PROM2: variants seen among roughly 807,000 people sequenced by gnomAD.
PROM2 encodes the protein prominin-2.
A neutral mutation model predicts 110.2 loss-of-function variants in PROM2; 90 were observed. The observed-to-expected ratio is 0.82, with a 90% CI of 0.69 to 0.97. The LOEUF (loss-of-function observed/expected upper bound fraction) is 0.97. Among genes scored for constraint, PROM2 ranks in the 50% least tolerant of loss-of-function variants. The probability of loss-of-function intolerance (pLI) is 0.00; values close to 1 mark genes in which losing one functional copy is unlikely to be tolerated. For missense variants in PROM2, 1,009 were observed against 1,074.8 expected (o/e 0.94, Z 0.86); for synonymous variants, 470 against 467.8 (o/e 1.00, Z -0.06).
At chr2:95,281,824 G>A in intron 12 of PROM2, 101 bp from the exon 13 acceptor site, 1 of 821,380 alleles carries the variant, frequency 1.2e-6, no homozygotes. Flanking sequence ...CCTACCCCTG[G>A]TCTGTGCTGT....
intron 16 of PROM2, 24 bp downstream of exon 16, chr2:95,285,734 C>T (rs755213133): frequency 6.3e-7 from 1 of 1,576,554 alleles, no homozygotes. Flanking sequence ...AGGGCCCCGA[C>T]TGGGCAGCAG....
intron 14 of PROM2, among the ~76,000 whole-genome samples, chr2:95,283,678 T>C (rs1677174804): frequency 6.6e-6 from 1 of 152,246 alleles, no homozygotes; most frequent in Admixed American, 6.5e-5. Context: ...GACCTCAGTT[T>C]CTTATCTGTT....
Position 95,275,962 on chromosome 2 carries a change from C to T in PROM2, c.327C>T (p.Cys109=), listed in dbSNP as rs1466234625. The T allele has an allele frequency of 7.4e-6, 12 of 1,611,882 alleles. No homozygotes were observed. In the Middle Eastern group the frequency reaches 6.6e-4, roughly 88 times the overall value. ...VVRYEAGYVV[C]AVIAGLYLLL... Reference sequence around the variant, plus strand: ...GGTACGAGGCGGGCTACGTGGTATGCGCTGTGATCGCGGGCCTCTACCTGC... The same window carrying T: ...GGTACGAGGCGGGCTACGTGGTATGTGCTGTGATCGCGGGCCTCTACCTGC... Residue 109 remains cysteine (C), a synonymous_variant, in exon 3 of 24, where the codon TGC becomes TGT. Coordinates refer to ENST00000317620, the MANE Select transcript of PROM2 (RefSeq NM_001165978.3). This position sits in a 1 kb window ranked among gnomAD's most constrained non-coding sequence, Gnocchi z 4.4.
intron 7 of PROM2, 24 bp downstream of exon 7, chr2:95,277,590 C>T: frequency 1.3e-6 from 2 of 1,517,540 alleles, no homozygotes; most frequent in Non-Finnish European, 1.8e-6. Flanking sequence ...ACAGAGTCCT[C>T]TTAAAGCCAC....
rs1038431494 is a variant in PROM2, at chr2:95,276,778, G to A, written c.682+121G>A. 11 of 1,240,344 alleles carry A rather than the reference G, an allele frequency of 8.9e-6. No homozygotes were observed. The highest frequency in any genetic ancestry group is 1.3e-5 in the Non-Finnish European group (11 of 865,994). The allele number at this position is 1,240,344 out of a possible 1,614,324, so 76.8% of individuals were successfully genotyped here. A position where few individuals can be genotyped will look rare whatever the true frequency, so the allele number is the denominator to read the frequency against. ...CCCCGGGAACAGGCTGGTAGAGGTG[G>A]GGATCAGGCCGGCTGGAGAGCAAGA... On this transcript the variant is annotated intron_variant, in intron 5 of 23. Coordinates refer to ENST00000317620, the MANE Select transcript of PROM2 (RefSeq NM_001165978.3). This position sits in a 1 kb window ranked among gnomAD's most constrained non-coding sequence, Gnocchi z 4.6.
Position 95,276,043 on chromosome 2 carries a change from C to T in PROM2, c.408C>T (p.Cys136=), listed in dbSNP as rs758378417. ...GCTGCTGCCGCTGCCACCGGCGCTGCGGGGGACGAGTGAAGACAGAGCACA... is the reference window on the plus strand; with the variant it reads ...GCTGCTGCCGCTGCCACCGGCGCTGTGGGGGACGAGTGAAGACAGAGCACA... ...CFCCCRCHRR[C]GGRVKTEHKA... Residue 136 remains cysteine (C), a synonymous_variant, in exon 3 of 24, where the codon TGC becomes TGT. Coordinates refer to ENST00000317620, the MANE Select transcript of PROM2 (RefSeq NM_001165978.3). The surrounding 1 kb of genome is among the most constrained non-coding windows in gnomAD (Gnocchi z 4.6). The T allele has an allele frequency of 2.3e-5, 37 of 1,611,176 alleles. No individual in the cohort carries two copies. Among genetic ancestry groups the T allele is most frequent in the South Asian group, 1.8e-4 (16 of 91,076 alleles).
rs777962866 is a variant in PROM2 at position 95,278,987 on chromosome 2, C to A, written c.1117C>A (p.Leu373Met). 1 of 1,602,686 alleles carries A rather than the reference C, an allele frequency of 6.2e-7. No individual in the cohort carries two copies. Among genetic ancestry groups the A allele is most frequent in the Non-Finnish European group, 8.5e-7 (1 of 1,173,778 alleles). ...CAAGTCCCTGTTACTTTGGGCAGAG[C>A]TGAAGAAGGCAGTGGCCCAGCAGCC... ...AMQTSSVVQE[L>M]KKAVAQQPEG... Residue 373 changes from leucine (L) to methionine (M), a missense_variant and splice_region_variant, in exon 10 of 24, where the codon CTG (leucine) becomes ATG (methionine). Transcript: ENST00000317620.
chr2:95,288,008 G>A (rs1558750115), intron 20 of PROM2, among the ~76,000 whole-genome samples: 1 of 152,230 alleles, frequency 6.6e-6, no homozygotes, highest in Admixed American at 6.5e-5. Context: ...ATGGAAAGGG[G>A]AGGGGCCCAG....
In PROM2 at chr2:95,274,703, A is replaced by C; in HGVS notation, c.118A>C (p.Thr40Pro). Residue 40 changes from threonine to proline, a missense_variant, in exon 1 of 24, where the codon ACA becomes CCA. Coordinates refer to ENST00000317620, the MANE Select transcript of PROM2 (RefSeq NM_001165978.3). ...CKFLGPAEHL[T>P]FTPAARARWL... Reference sequence around the variant, plus strand: ...GTTCCTTGGCCCGGCAGAGCACCTGACATTCACCCCAGCAGCCAGGGCCCG... The same window carrying C: ...GTTCCTTGGCCCGGCAGAGCACCTGCCATTCACCCCAGCAGCCAGGGCCCG... 6.2e-7 allele frequency: 1 copy of C among 1,612,518 alleles called. No individual in the cohort carries two copies. The highest frequency in any genetic ancestry group is 8.5e-7 in the Non-Finnish European group (1 of 1,179,892).
chr2:95,278,893 T>C, intron 9 of PROM2, 92 bp from the exon 10 acceptor site: 1 of 1,604,054 alleles, frequency 6.2e-7, no homozygotes, highest in Non-Finnish European at 8.5e-7. Context: ...GTCTTCCCTC[T>C]GTGGTTCCCA....
Position 95,276,822 on chromosome 2 carries a change from C to T in PROM2, c.683-150C>T, listed in dbSNP as rs144514607. ...AGCAAGAGTGGCCGCCACTCAGCTG[C>T]TGGAGGAAGAAGCCGTGTCCCCGCT... is the stretch of plus-strand genomic sequence containing the variant. On this transcript the variant is annotated intron_variant, in intron 5 of 23. Coordinates refer to ENST00000317620, the MANE Select transcript of PROM2 (RefSeq NM_001165978.3). This position sits in a 1 kb window ranked among gnomAD's most constrained non-coding sequence, Gnocchi z 4.6. 6.4e-5 allele frequency: 68 copies of T among 1,065,524 alleles called. 1 individual carries two copies. The African/African-American group carries it at 7.6e-4, about 12-fold the overall frequency. 66.0% of individuals were successfully genotyped at this position (1,065,524 alleles called of 1,614,324 possible). A position where few individuals can be genotyped will look rare whatever the true frequency, so the allele number is the denominator to read the frequency against.
chr2:95,275,794 T>G lies in PROM2; in HGVS notation c.295-136T>G. On this transcript the variant is annotated intron_variant, in intron 2 of 23. Coordinates refer to ENST00000317620, the MANE Select transcript of PROM2 (RefSeq NM_001165978.3). This position sits in a 1 kb window ranked among gnomAD's most constrained non-coding sequence, Gnocchi z 4.4. ...TGAGCAGTAAGAATGCGGTCACCTC[T>G]GGGACGGGTTCCATGAGATGCAGGC... 28 of 1,496,154 alleles carry G rather than the reference T, an allele frequency of 1.9e-5. No individual in the cohort carries two copies. Among genetic ancestry groups the G allele is most frequent in the Non-Finnish European group, 2.5e-5 (28 of 1,125,992 alleles). 92.7% of individuals were successfully genotyped at this position (1,496,154 alleles called of 1,614,324 possible).
chr2:95,282,310 C>CCTAGG, intron 14 of PROM2, 84 bp downstream of exon 14: 1 of 1,144,094 alleles, frequency 8.7e-7, no homozygotes, highest in Non-Finnish European at 1.3e-6. Context: ...GGCACCGTCT[C>CCTAGG]TTTGAACCTA....
Position 95,277,419 on chromosome 2 carries a change from G to T in PROM2, c.828G>T (p.Leu276=), listed in dbSNP as rs1217830603. 2 of 1,613,352 alleles carry T rather than the reference G, an allele frequency of 1.2e-6. No homozygotes were observed. Among genetic ancestry groups the T allele is most frequent in the African/African-American group, 1.3e-5 (1 of 75,034 alleles). ...CCTTGAATGCTACAGTGGTAGAGCT[G>T]CAGGCCGGGCAGCAGGACCTGGAGC... The part of the protein sequence containing the change: ...LQTLNATVVE[L]QAGQQDLEPA... Residue 276 remains leucine, a synonymous_variant, in exon 7 of 24, where the codon CTG becomes CTT. Coordinates refer to ENST00000317620, the MANE Select transcript of PROM2 (RefSeq NM_001165978.3).
At position 95,291,139 on chromosome 2, in the gene PROM2, T is replaced by C. The variant is rs1573468808; in HGVS notation, c.*1926T>C. 6.6e-6 allele frequency: 1 copy of C among 152,174 alleles called. No individual in the cohort carries two copies. The highest frequency in any genetic ancestry group is 1.5e-5 in the Non-Finnish European group (1 of 68,032). 9.4% of individuals were successfully genotyped at this position (152,174 alleles called of 1,614,324 possible). A position where few individuals can be genotyped will look rare whatever the true frequency, so the allele number is the denominator to read the frequency against. On this transcript the variant is annotated 3_prime_UTR_variant, in exon 24 of 24. Transcript: ENST00000317620. ...GGGAATTAGAATGGTGCATACACAA[T>C]GTATTATTATCACTGTCAGATGAGC...
intron 10 of PROM2, among the ~76,000 whole-genome samples, chr2:95,279,426 A>T (rs1676903865): frequency 6.6e-6 from 1 of 151,388 alleles, no homozygotes; most frequent in Non-Finnish European, 1.5e-5. Flanking sequence ...CCTCCCAAGT[A>T]GCTGGGACTA....
rs1159341055 is a variant in PROM2, at chr2:95,279,165, G to A, written c.1274+21G>A. 7 of 1,144,704 alleles carry A rather than the reference G, an allele frequency of 6.1e-6. No homozygotes were observed. In the African/African-American group the frequency reaches 1.1e-4, roughly 18 times the overall value. 70.9% of individuals were successfully genotyped at this position (1,144,704 alleles called of 1,614,324 possible). ...TACAGGTGCTGGGCACCGCAGGGTGGGATGGGGTGGGGTGGGGTGGGCAGC... is the reference window on the plus strand; with the variant it reads ...TACAGGTGCTGGGCACCGCAGGGTGAGATGGGGTGGGGTGGGGTGGGCAGC... On this transcript the variant is annotated intron_variant, in intron 10 of 23. Transcript: ENST00000317620.
In PROM2 at chr2:95,276,139, C is replaced by G. The variant is rs891464709; in HGVS notation, c.497+7C>G. On this transcript the variant is annotated splice_region_variant and intron_variant, in intron 3 of 23. Transcript: ENST00000317620. This position sits in a 1 kb window ranked among gnomAD's most constrained non-coding sequence, Gnocchi z 4.6. ...TGACCACCCTCTTGCTGCTGTAAGG[C>G]GCTGCCCAGGGCCCGGGTAGGGCGG... 6.2e-7 allele frequency: 1 copy of G among 1,612,038 alleles called. No individual in the cohort carries two copies. The highest frequency in any genetic ancestry group is 1.1e-5 in the South Asian group (1 of 91,022).
rs1676602306 is a variant in PROM2, at chr2:95,275,651, G to T, written c.294+141G>T. 7.3e-6 allele frequency: 10 copies of T among 1,360,738 alleles called. No individual in the cohort carries two copies. Among genetic ancestry groups the T allele is most frequent in the South Asian group, 4.3e-5 (3 of 69,928 alleles). The allele number at this position is 1,360,738 out of a possible 1,614,324, so 84.3% of individuals were successfully genotyped here. ...GCTCAGGCATCCTCTCCCCTCCTCT[G>T]TGGGCGCTGCAGTCCGTAGACCTGG... On this transcript the variant is annotated intron_variant, in intron 2 of 23. Transcript: ENST00000317620. This position sits in a 1 kb window ranked among gnomAD's most constrained non-coding sequence, Gnocchi z 4.4.
Sources: gnomAD v4.1 joint callset for allele counts (sites outside exome capture counted in the v4.1 genomes callset) on GRCh38, gnomAD v4.1.1 for gene constraint, Gnocchi (gnomAD v3.1) non-coding constraint, MANE v1.5 for transcripts, NCBI Gene and HGNC (gene_info 2026-07-23, HGNC 2026-07-21) for gene names.